Variants in VWC2 observed in about 807,000 individuals in gnomAD.
VWC2 encodes the protein brorin.
A neutral mutation model predicts 29.8 loss-of-function variants in VWC2; 14 were observed. The ratio of observed to expected loss-of-function variants is 0.47; its 90% CI spans 0.31 to 0.74. The LOEUF (loss-of-function observed/expected upper bound fraction) is 0.74, where lower values mean the gene tolerates loss of function less well. Ranked by LOEUF, VWC2 falls within the 30% of genes least tolerant of loss-of-function variation. The pLI is 0.05. For synonymous variants in VWC2, 213 were observed against 199.0 expected, an observed-to-expected ratio of 1.07 and a Z score of -0.59; for missense variants, 457 against 459.8, an observed-to-expected ratio of 0.99 and a Z score of 0.05.
At chr7:49,911,096 T>C (rs1793394479) in intron 3 of VWC2, among the ~76,000 whole-genome samples, 1 of 152,218 alleles carries the variant, frequency 6.6e-6, no homozygotes, top group Non-Finnish European at 1.5e-5. Flanking sequence ...TTATGCTTTT[T>C]CTGTGAGTAT....
intron 3 of VWC2, among the ~76,000 whole-genome samples, 178 bp from the exon 4 acceptor site, chr7:49,911,856 C>A (rs1583822581): frequency 6.6e-6 from 1 of 151,868 alleles, no homozygotes; most frequent in Non-Finnish European, 1.5e-5. Context: ...GAGATCGTGC[C>A]ACTGCACTCC....
chr7:49,848,466 C>T (rs1055124795), intron 3 of VWC2, among the ~76,000 whole-genome samples: 20 of 152,230 alleles, frequency 1.3e-4, no homozygotes, highest in Non-Finnish European at 4.4e-5. Context: ...TCCAGCCCAC[C>T]TGCCCAGGGT....
At chr7:49,837,945 A>C (rs1789702550) in intron 3 of VWC2, among the ~76,000 whole-genome samples, 1 of 152,224 alleles carries the variant, frequency 6.6e-6, no homozygotes, top group Non-Finnish European at 1.5e-5. Flanking sequence ...TACAAACATA[A>C]AGTTCAAAAA....
intron 3 of VWC2, among the ~76,000 whole-genome samples, chr7:49,863,346 C>T (rs77502008): frequency 0.048 from 7,336 of 152,218 alleles, 180 homozygotes; most frequent in African/African-American, 0.067. Context: ...CTCTTTTTAT[C>T]TTCGCCACTC....
At chr7:49,836,710 G>A (rs1789673358) in intron 3 of VWC2, among the ~76,000 whole-genome samples, 1 of 151,772 alleles carries the variant, frequency 6.6e-6, no homozygotes, top group African/African-American at 2.4e-5. Context: ...GGTGTGCATG[G>A]ATTTATAAAA....
At chr7:49,836,354 C>T (rs1254265744) in intron 3 of VWC2, among the ~76,000 whole-genome samples, 1 of 151,068 alleles carries the variant, frequency 6.6e-6, no homozygotes, top group Non-Finnish European at 1.5e-5. Context: ...GTGGACTGGG[C>T]ATGGTGACTC....
intron 3 of VWC2, among the ~76,000 whole-genome samples, chr7:49,877,294 T>G (rs1046841842): frequency 6.7e-6 from 1 of 150,344 alleles, no homozygotes; most frequent in Non-Finnish European, 1.5e-5. Context: ...GAGCCCCGTG[T>G]CTACTAAAAA....
intron 3 of VWC2, among the ~76,000 whole-genome samples, chr7:49,804,828 C>A (rs1158112524): frequency 6.6e-6 from 1 of 152,152 alleles, no homozygotes; most frequent in Non-Finnish European, 1.5e-5. Context: ...TAACCCAACA[C>A]CATCAATATA....
chr7:49,892,505 T>C (rs957757814), intron 3 of VWC2, among the ~76,000 whole-genome samples: 7 of 152,220 alleles, frequency 4.6e-5, no homozygotes, highest in Admixed American at 3.3e-4. Flanking sequence ...AGTGCAGAGA[T>C]AGGCAAACCT....
At chr7:49,784,292 A>T (rs907812360) in intron 2 of VWC2, among the ~76,000 whole-genome samples, 2 of 152,084 alleles carry the variant, frequency 1.3e-5, no homozygotes, top group South Asian at 4.1e-4. Flanking sequence ...CATCCCTGAC[A>T]CCTTTCTGAG....
At chr7:49,869,864 C>G (rs1458708563) in intron 3 of VWC2, among the ~76,000 whole-genome samples, 11 of 152,040 alleles carry the variant, frequency 7.2e-5, no homozygotes, top group Non-Finnish European at 1.5e-4. Flanking sequence ...GGTACCCATT[C>G]AGAAAAGAAT....
chr7:49,869,542 T>A (rs1791049084), intron 3 of VWC2, among the ~76,000 whole-genome samples: 1 of 152,268 alleles, frequency 6.6e-6, no homozygotes, highest in African/African-American at 2.4e-5. Context: ...ATATGTTTTA[T>A]ATTTTTATAC....
intron 3 of VWC2, among the ~76,000 whole-genome samples, chr7:49,864,634 A>G (rs1320693783): frequency 6.6e-6 from 1 of 152,160 alleles, no homozygotes; most frequent in African/African-American, 2.4e-5. Context: ...CTGCTCTTCC[A>G]TCCCGAATGG....
In VWC2 at chr7:49,865,104, G is replaced by A. The variant is rs142920505; in HGVS notation, c.827-46930G>A. 2.5e-3 allele frequency among the ~76,000 whole-genome samples: 386 copies of A among 152,276 alleles called. 3 individuals are homozygous for A. Among genetic ancestry groups the A allele is most frequent in the African/African-American group, 8.9e-3 (371 of 41,556 alleles). On this transcript the variant is annotated intron_variant, in intron 3 of 3. Coordinates refer to ENST00000340652, the MANE Select transcript of VWC2 (RefSeq NM_198570.5). ...TACTTTTCTGTCATGTTTTCTTGCT[G>A]AAATTTGCCATGTAAAGATGTAATT...
At chr7:49,841,849 A>T in intron 3 of VWC2, among the ~76,000 whole-genome samples, 1 of 152,128 alleles carries the variant, frequency 6.6e-6, no homozygotes, top group Admixed American at 6.5e-5. Flanking sequence ...AACTCCTAGG[A>T]GGAGAATGTT....
chr7:49,792,414 C>A lies in VWC2; in HGVS notation c.697-10297C>A, dbSNP rs1788481662. On this transcript the variant is annotated intron_variant, in intron 2 of 3. Transcript: ENST00000340652. ...TCCCGCTGTGTGCATTTACGCTGCA[C>A]TAGACACCTTTGATTCTGCACTCCT... 1.3e-5 allele frequency among the ~76,000 whole-genome samples: 2 copies of A among 152,192 alleles called. 1 individual carries two copies. The highest frequency in any genetic ancestry group is 1.3e-4 in the Admixed American group (2 of 15,286).
At chr7:49,903,401 C>T (rs1792885863) in intron 3 of VWC2, among the ~76,000 whole-genome samples, 1 of 152,144 alleles carries the variant, frequency 6.6e-6, no homozygotes, top group Admixed American at 6.5e-5. Context: ...TACAACTTAC[C>T]TGTTAAAAGG....
At chr7:49,829,784 A>G (rs913415838) in intron 3 of VWC2, among the ~76,000 whole-genome samples, 6 of 152,162 alleles carry the variant, frequency 3.9e-5, no homozygotes, top group African/African-American at 1.4e-4. Context: ...CTCTCTAATG[A>G]GTAAATACAT....
At chr7:49,792,077 A>G (rs988916328) in intron 2 of VWC2, among the ~76,000 whole-genome samples, 2 of 152,230 alleles carry the variant, frequency 1.3e-5, no homozygotes, top group Non-Finnish European at 2.9e-5. Context: ...TCTCTCTGCC[A>G]TGACTACTAG....
Sources: gnomAD v4.1 joint callset for allele counts (sites outside exome capture counted in the v4.1 genomes callset) on GRCh38, gnomAD v4.1.1 for gene constraint, MANE v1.5 for transcripts, NCBI Gene and HGNC (gene_info 2026-07-23, HGNC 2026-07-21) for gene names.